CACNA1S: variants seen among roughly 807,000 people sequenced by gnomAD.
CACNA1S encodes the protein voltage-dependent L-type calcium channel subunit alpha-1S.
Under a neutral mutation model 207.4 loss-of-function variants are expected in CACNA1S, and 126 were observed. That is an observed-to-expected ratio of 0.61 (90% CI 0.53 to 0.70). CACNA1S has a LOEUF of 0.70. CACNA1S is among the 30% of genes least tolerant of loss of function. CACNA1S has a pLI of 0.00. For synonymous variants in CACNA1S, 960 were observed against 932.7 expected (o/e 1.03, Z -0.53); for missense variants, 2,349 against 2,422.8 (o/e 0.97, Z 0.64).
intron 34 of CACNA1S, 121 bp from the exon 35 acceptor site, chr1:201,049,220 C>A: frequency 1.4e-6 from 1 of 719,322 alleles, no homozygotes; most frequent in Non-Finnish European, 2.4e-6. Flanking sequence ...CCTTATTTTC[C>A]AACTGTGTTT....
At chr1:201,070,202 G>T in intron 17 of CACNA1S, 70 bp downstream of exon 17, 1 of 1,564,654 alleles carries the variant, frequency 6.4e-7, no homozygotes. Context: ...GTCAGACAGG[G>T]TTTTTTCTAG....
intron 24 of CACNA1S, 105 bp from the exon 25 acceptor site, chr1:201,061,573 A>G (rs1021060689): frequency 3.6e-6 from 4 of 1,096,134 alleles, no homozygotes; most frequent in Non-Finnish European, 5.3e-6. Flanking sequence ...GAGCCAAGAG[A>G]GCCTTCTCAA....
intron 13 of CACNA1S, 94 bp from the exon 14 acceptor site, chr1:201,074,714 C>T (rs1373600443): frequency 5.6e-6 from 4 of 719,558 alleles, no homozygotes; most frequent in Non-Finnish European, 9.5e-6. Context: ...AGGACCTAAC[C>T]CCACTCTCCC....
Position 201,050,519 on chromosome 1 carries a change from G to A in CACNA1S, c.4114-3C>T, listed in dbSNP as rs182873269. 86 of 1,613,970 alleles carry A rather than the reference G, an allele frequency of 5.3e-5. 1 individual carries two copies. In the African/African-American group the frequency reaches 8.7e-4, roughly 16 times the overall value. On this transcript the variant is annotated splice_region_variant and splice_polypyrimidine_tract_variant and intron_variant, in intron 33 of 43. Coordinates refer to ENST00000362061, the MANE Select transcript of CACNA1S (RefSeq NM_000069.3). ...ACAGCCACAAAGAGGTTGATGACCT[G>A]CAAGAGAAGAACCAAGGGGTCCCAA...
Position 201,050,504 on chromosome 1 carries a change from A to C in CACNA1S, c.4126T>G (p.Phe1376Val). 6.2e-7 allele frequency: 1 copy of C among 1,614,134 alleles called. No homozygotes were observed. Among genetic ancestry groups the C allele is most frequent in the Non-Finnish European group, 8.5e-7 (1 of 1,180,014 alleles). The change falls in exon 34 of 44, where the codon TTT becomes GTT. Residue 1376 changes from phenylalanine (F) to valine (V), a missense_variant. Transcript: ENST00000362061. ...MLCAFLVINL[F>V]VAVIMDNFDY... ...AAATTGTCCATGATGACAGCCACAAAGAGGTTGATGACCTGCAAGAGAAGA... is the reference window on the plus strand; with the variant it reads ...AAATTGTCCATGATGACAGCCACAACGAGGTTGATGACCTGCAAGAGAAGA...
intron 2 of CACNA1S, among the ~76,000 whole-genome samples, chr1:201,094,774 A>G (rs1662356870): frequency 6.6e-6 from 1 of 152,086 alleles, no homozygotes; most frequent in East Asian, 1.9e-4. Context: ...GTGTGTGGGG[A>G]ACACAGGTAA....
At position 201,083,150 on chromosome 1, in the gene CACNA1S, G is replaced by T. The variant is rs537263631; in HGVS notation, c.1393+12C>A. On this transcript the variant is annotated intron_variant, in intron 10 of 43. Transcript: ENST00000362061. ...TGTGCCCTCCTCCCGGCTTCACTCCGTTCCGCCTCACCTTGCAAACGGGTC... is the reference window on the plus strand; with the variant it reads ...TGTGCCCTCCTCCCGGCTTCACTCCTTTCCGCCTCACCTTGCAAACGGGTC... The T allele has an allele frequency of 6.2e-7, 1 of 1,612,052 alleles. No homozygotes were observed. The highest frequency in any genetic ancestry group is 8.5e-7 in the Non-Finnish European group (1 of 1,179,796).
chr1:201,068,536 C>T (rs1399837965), intron 19 of CACNA1S, among the ~76,000 whole-genome samples: 16 of 150,554 alleles, frequency 1.1e-4, no homozygotes, highest in Non-Finnish European at 2.4e-4. Context: ...AGCCACTGCG[C>T]CCGGCCACCA....
At chr1:201,054,612 G>A (rs1350865166) in intron 28 of CACNA1S, 51 bp from the exon 29 acceptor site, 2 of 1,472,368 alleles carry the variant, frequency 1.4e-6, no homozygotes, top group Admixed American at 1.8e-5. Flanking sequence ...GAGAGGAGGA[G>A]GGACATGTGG....
chr1:201,051,250 G>T, intron 32 of CACNA1S, 107 bp from the exon 33 acceptor site: 2 of 1,047,688 alleles, frequency 1.9e-6, no homozygotes, highest in Non-Finnish European at 3.0e-6. Flanking sequence ...AACTGGGGCT[G>T]TTGTCCAATG....
chr1:201,107,162 T>A (rs4915214), intron 2 of CACNA1S, among the ~76,000 whole-genome samples: 79,713 of 152,128 alleles, frequency 0.52, 22,135 homozygotes, highest in East Asian at 0.82. Flanking sequence ...AAATCATAAA[T>A]TCAAAGATAA....
intron 2 of CACNA1S, among the ~76,000 whole-genome samples, chr1:201,101,509 C>T (rs531253058): frequency 2.1e-4 from 32 of 152,386 alleles, no homozygotes; most frequent in African/African-American, 7.7e-4. Context: ...GGGCTCGGCA[C>T]CTCTACCTGA....
chr1:201,040,454 G>A, intron 42 of CACNA1S, 80 bp from the exon 43 acceptor site: 1 of 1,568,054 alleles, frequency 6.4e-7, no homozygotes, highest in Non-Finnish European at 8.7e-7. Flanking sequence ...ATCATCTGAG[G>A]GCAACTCAAC....
chr1:201,063,500 G>T (rs1451890225), intron 22 of CACNA1S, among the ~76,000 whole-genome samples: 1 of 152,092 alleles, frequency 6.6e-6, no homozygotes, highest in African/African-American at 2.4e-5. Context: ...TGTTGGTCAG[G>T]CTGGTTTTGA....
At chr1:201,051,289 G>A in intron 32 of CACNA1S, 146 bp from the exon 33 acceptor site, 1 of 739,288 alleles carries the variant, frequency 1.4e-6, no homozygotes, top group Non-Finnish European at 2.4e-6. Context: ...CATGTTCACT[G>A]TGTAGCTCAG....
At chr1:201,109,243 CAAAA>C (rs56739161) in intron 2 of CACNA1S, among the ~76,000 whole-genome samples, 14 of 118,538 alleles carry the variant, frequency 1.2e-4, no homozygotes, top group Admixed American at 2.5e-4. Context: ...GACTCTGTCT[CAAAA>C]AAAAAAAAAA....
At chr1:201,056,940 G>A (rs912274320) in intron 28 of CACNA1S, among the ~76,000 whole-genome samples, 1 of 152,014 alleles carries the variant, frequency 6.6e-6, no homozygotes, top group Admixed American at 6.6e-5. Context: ...CCTTCTCACA[G>A]CCTCCACAGC....
At chr1:201,095,903 TGTAGGACAG>T (rs1662407867) in intron 2 of CACNA1S, among the ~76,000 whole-genome samples, 1 of 152,194 alleles carries the variant, frequency 6.6e-6, no homozygotes, top group South Asian at 2.1e-4. Flanking sequence ...TCCCCTCCTC[TGTAGGACAG>T]GTTTCCTGGG....
intron 2 of CACNA1S, among the ~76,000 whole-genome samples, chr1:201,099,618 C>T (rs376295128): frequency 1.6e-4 from 25 of 152,224 alleles, no homozygotes; most frequent in Middle Eastern, 6.8e-3. Context: ...AGGAGGAAGC[C>T]CAGGGTGCTT....
Sources: allele counts gnomAD v4.1 joint callset (sites outside exome capture counted in the v4.1 genomes callset), GRCh38; gene constraint gnomAD v4.1.1; transcripts MANE v1.5; gene names NCBI Gene and HGNC (gene_info 2026-07-23, HGNC 2026-07-21).